The following LRRC4C variants were observed in gnomAD, a reference collection of about 807,000 sequenced individuals.
LRRC4C encodes leucine rich repeat containing 4C.
In LRRC4C, 5 loss-of-function variants were observed where a neutral mutation model predicts 33.6. That is an observed-to-expected ratio of 0.15 (90% CI 0.08 to 0.31). The LOEUF (loss-of-function observed/expected upper bound fraction) is 0.31, where lower values mean the gene tolerates loss of function less well. Among genes scored for constraint, LRRC4C ranks in the 10% least tolerant of loss-of-function variants. The probability of loss-of-function intolerance (pLI) is 1.00; values close to 1 mark genes in which losing one functional copy is unlikely to be tolerated. For synonymous variants in LRRC4C, 329 were observed against 302.0 expected (o/e 1.09, Z -0.93); for missense variants, 560 against 796.7 (o/e 0.70, Z 3.58).
intron 5 of LRRC4C, among the ~76,000 whole-genome samples, chr11:40,234,146 T>C (rs987931130): frequency 4.6e-5 from 7 of 152,198 alleles, no homozygotes; most frequent in Non-Finnish European, 8.8e-5. Flanking sequence ...CAGCAGTATT[T>C]AAGGGTCCCC....
intron 3 of LRRC4C, among the ~76,000 whole-genome samples, chr11:40,638,543 G>A (rs559668151): frequency 6.6e-6 from 1 of 152,248 alleles, no homozygotes; most frequent in African/African-American, 2.4e-5. Context: ...CTCGGACATA[G>A]TATACATGAA....
chr11:40,910,258 T>A (rs996264460), intron 2 of LRRC4C, among the ~76,000 whole-genome samples: 40 of 152,242 alleles, frequency 2.6e-4, no homozygotes, highest in Admixed American at 2.6e-4. Flanking sequence ...ATAACATGAT[T>A]CAATTCAGCA....
At chr11:41,319,814 G>T (rs192715914) in intron 1 of LRRC4C, among the ~76,000 whole-genome samples, 1 of 152,114 alleles carries the variant, frequency 6.6e-6, no homozygotes, top group South Asian at 2.1e-4. Context: ...GCCTCCCAAA[G>T]TGCTGGGATT....
At chr11:40,361,642 GAAGAATCAATATTGTTA>G (rs1317246306) in intron 3 of LRRC4C, among the ~76,000 whole-genome samples, 3 of 152,152 alleles carry the variant, frequency 2.0e-5, no homozygotes, top group Non-Finnish European at 2.9e-5. Context: ...TCATGGATAG[GAAGAATCAATATTGTTA>G]AAATGGCCAT....
chr11:41,193,407 GAAGAT>G (rs1212442289), intron 1 of LRRC4C, among the ~76,000 whole-genome samples: 2 of 152,052 alleles, frequency 1.3e-5, no homozygotes, highest in African/African-American at 2.4e-5. Flanking sequence ...CAACACTATG[GAAGAT>G]AACCCCAATA....
At chr11:41,197,728 C>T (rs1946240086) in intron 1 of LRRC4C, among the ~76,000 whole-genome samples, 2 of 151,906 alleles carry the variant, frequency 1.3e-5, no homozygotes, top group African/African-American at 4.8e-5. Context: ...AGTTACTTCT[C>T]TCAAGATTTA....
At chr11:41,131,579 C>A (rs1943014227) in intron 1 of LRRC4C, among the ~76,000 whole-genome samples, 2 of 151,964 alleles carry the variant, frequency 1.3e-5, no homozygotes. Flanking sequence ...GCATTTGAAC[C>A]AGAGCGACCA....
chr11:40,450,857 G>T (rs1287895031), intron 3 of LRRC4C, among the ~76,000 whole-genome samples: 3 of 149,688 alleles, frequency 2.0e-5, no homozygotes, highest in Admixed American at 6.7e-5. Context: ...GAAAGAGAAA[G>T]AAATTTTGGA....
chr11:40,320,881 T>C (rs936177964), intron 3 of LRRC4C, among the ~76,000 whole-genome samples: 1 of 152,234 alleles, frequency 6.6e-6, no homozygotes, highest in Non-Finnish European at 1.5e-5. Context: ...TACTTATATA[T>C]GCCAATTGTT....
intron 2 of LRRC4C, among the ~76,000 whole-genome samples, chr11:40,682,351 A>G (rs1944733527): frequency 6.6e-6 from 1 of 152,110 alleles, no homozygotes; most frequent in Non-Finnish European, 1.5e-5. Context: ...AAAGGGATGA[A>G]TGAATGAATA....
At chr11:40,696,703 C>T (rs1945553939) in intron 2 of LRRC4C, among the ~76,000 whole-genome samples, 1 of 144,564 alleles carries the variant, frequency 6.9e-6, no homozygotes, top group South Asian at 2.2e-4. Context: ...TGCACCTATA[C>T]ATTGCAGCAC....
At chr11:40,157,423 C>T (rs1252457504) in intron 5 of LRRC4C, among the ~76,000 whole-genome samples, 1 of 152,148 alleles carries the variant, frequency 6.6e-6, no homozygotes, top group African/African-American at 2.4e-5. Flanking sequence ...CCTAATTAAA[C>T]TAAAGAGCTT....
chr11:41,429,035 T>TC (rs1955142262), intron 1 of LRRC4C, among the ~76,000 whole-genome samples: 1 of 152,096 alleles, frequency 6.6e-6, no homozygotes. Context: ...GTTCCCGTAA[T>TC]CCCCACATAT....
intron 1 of LRRC4C, among the ~76,000 whole-genome samples, chr11:41,281,675 T>A (rs563483631): frequency 3.9e-5 from 6 of 152,302 alleles, no homozygotes; most frequent in African/African-American, 1.4e-4. Flanking sequence ...TCTGATTTAA[T>A]CTATTTTGGA....
At chr11:41,123,776 G>T (rs1942596395) in intron 1 of LRRC4C, among the ~76,000 whole-genome samples, 1 of 152,090 alleles carries the variant, frequency 6.6e-6, no homozygotes, top group African/African-American at 2.4e-5. Flanking sequence ...GCCTATAATT[G>T]CACTCAATAT....
intron 1 of LRRC4C, among the ~76,000 whole-genome samples, chr11:41,276,081 T>G (rs1194754638): frequency 6.6e-6 from 1 of 152,190 alleles, no homozygotes; most frequent in Non-Finnish European, 1.5e-5. Flanking sequence ...GCTGTAAGCC[T>G]AAAATTATAA....
chr11:40,378,156 A>G (rs1416075803), intron 3 of LRRC4C, among the ~76,000 whole-genome samples: 2 of 152,048 alleles, frequency 1.3e-5, no homozygotes, highest in East Asian at 3.8e-4. Context: ...TAGACATTCC[A>G]CCATAAATTA....
At chr11:40,644,558 G>T (rs1485034078) in intron 3 of LRRC4C, among the ~76,000 whole-genome samples, 1 of 152,070 alleles carries the variant, frequency 6.6e-6, no homozygotes, top group East Asian at 1.9e-4. Context: ...ACAAACTGTG[G>T]TATATGCTTA....
chr11:40,244,947 A>G (rs1204512036), intron 4 of LRRC4C, among the ~76,000 whole-genome samples: 1 of 152,168 alleles, frequency 6.6e-6, no homozygotes, highest in African/African-American at 2.4e-5. Flanking sequence ...ACTTTTTCCA[A>G]TTAATAGCTC....
Sources: gnomAD v4.1 joint callset for allele counts (sites outside exome capture counted in the v4.1 genomes callset) on GRCh38, gnomAD v4.1.1 for gene constraint, MANE v1.5 for transcripts, NCBI Gene and HGNC (gene_info 2026-07-23, HGNC 2026-07-21) for gene names.